The following SULF2 variants were observed in gnomAD, a reference collection of about 807,000 sequenced individuals.
SULF2 encodes the protein extracellular sulfatase Sulf-2.
Under a neutral mutation model 107.7 loss-of-function variants are expected in SULF2, and 52 were observed. That is an observed-to-expected ratio of 0.48 (90% CI 0.39 to 0.61). SULF2 has a LOEUF of 0.61. Ranked by LOEUF, SULF2 falls within the 20% of genes least tolerant of loss-of-function variation. The pLI is 0.00. For synonymous variants in SULF2, 460 were observed against 464.3 expected (o/e 0.99, Z 0.12); for missense variants, 993 against 1,177.3 (o/e 0.84, Z 2.29).
rs377521847 is a variant in SULF2 at position 47,661,592 on chromosome 20, T to TC, written c.2494+180dup. The TC allele has an allele frequency of 6.4e-4, 304 of 475,920 alleles. 3 individuals are homozygous for TC. The South Asian group carries it at 8.1e-3, about 13-fold the overall frequency. 29.5% of individuals were successfully genotyped at this position (475,920 alleles called of 1,614,324 possible). On this transcript the variant is annotated intron_variant, in intron 18 of 20. Transcript: ENST00000688720. ...GGTGCAGGTGTTCCTCTCTCAGGAA[T>TC]CACAGCTTGTTAAAGGTCATCTGCC...
chr20:47,742,649 T>C (rs866487767), intron 2 of SULF2, among the ~76,000 whole-genome samples: 24 of 152,188 alleles, frequency 1.6e-4, no homozygotes, highest in African/African-American at 4.6e-4. Context: ...ATATTTGTAT[T>C]TAACGTGATT....
At chr20:47,702,758 A>C in intron 3 of SULF2, 88 bp from the exon 4 acceptor site, 2 of 1,300,558 alleles carry the variant, frequency 1.5e-6, no homozygotes, top group Non-Finnish European at 2.1e-6. Context: ...CTGAGCATGC[A>C]CACCTGCTCT....
At chr20:47,670,344 C>T (rs1821055971) in intron 11 of SULF2, among the ~76,000 whole-genome samples, 1 of 151,948 alleles carries the variant, frequency 6.6e-6, no homozygotes, top group Non-Finnish European at 1.5e-5. Flanking sequence ...AGGCGCCCAC[C>T]ACCATGCCTG....
chr20:47,770,867 G>T (rs1568927651), intron 1 of SULF2, among the ~76,000 whole-genome samples: 1 of 152,166 alleles, frequency 6.6e-6, no homozygotes, highest in African/African-American at 2.4e-5. Flanking sequence ...TTACACAACA[G>T]CGAGGGTCCC....
intron 1 of SULF2, among the ~76,000 whole-genome samples, chr20:47,778,546 C>T (rs1413146): frequency 0.58 from 88,754 of 152,104 alleles, 26,595 homozygotes; most frequent in East Asian, 0.9. Context: ...GAAGCCCTGG[C>T]CTGGGCTGGA....
chr20:47,779,772 A>C (rs974826070), intron 1 of SULF2, among the ~76,000 whole-genome samples: 3 of 151,874 alleles, frequency 2.0e-5, no homozygotes. Flanking sequence ...GTGCCTGGCT[A>C]ATTTTTGTAT....
intron 13 of SULF2, among the ~76,000 whole-genome samples, 189 bp from the exon 14 acceptor site, chr20:47,665,482 C>T (rs542394617): frequency 7.2e-5 from 11 of 152,356 alleles, no homozygotes; most frequent in African/African-American, 2.4e-4. Context: ...GGAAGCCCGC[C>T]TTCTCCTCCA....
In SULF2 at chr20:47,678,622, T is replaced by A. The variant is rs2087725271; in HGVS notation, c.1193+54A>T. The stretch of plus-strand genomic sequence containing the variant: ...TAGACCCACAGGGTTTTGCTCTGAG[T>A]TCCCGCAGGTCAATGTCCCGGCCCC... On this transcript the variant is annotated intron_variant, in intron 8 of 20. Transcript: ENST00000688720. This position sits in a 1 kb window ranked among gnomAD's most constrained non-coding sequence, Gnocchi z 4.5. The A allele has an allele frequency of 6.2e-7, 1 of 1,603,990 alleles. No homozygotes were observed. The highest frequency in any genetic ancestry group is 1.1e-5 in the South Asian group (1 of 90,418).
intron 1 of SULF2, among the ~76,000 whole-genome samples, chr20:47,764,539 T>C (rs1484041376): frequency 6.6e-6 from 1 of 152,206 alleles, no homozygotes; most frequent in Non-Finnish European, 1.5e-5. Flanking sequence ...CGATTGGTCC[T>C]GGGGCAGACA....
intron 2 of SULF2, among the ~76,000 whole-genome samples, chr20:47,756,598 C>T (rs549495027): frequency 8.6e-5 from 13 of 151,782 alleles, no homozygotes; most frequent in Non-Finnish European, 1.8e-4. Context: ...ACAGTCTTTG[C>T]CACAACCCAC....
intron 4 of SULF2, among the ~76,000 whole-genome samples, chr20:47,700,577 T>C (rs897750017): frequency 5.3e-5 from 8 of 151,048 alleles, no homozygotes; most frequent in Admixed American, 5.3e-4. Flanking sequence ...CAACACCAAG[T>C]GCTGATAAGG....
chr20:47,673,199 GCTCCAGCCCATTGACCCAGTGA>G (rs2146450967), intron 10 of SULF2, among the ~76,000 whole-genome samples: 1 of 152,318 alleles, frequency 6.6e-6, no homozygotes, highest in East Asian at 1.9e-4. Flanking sequence ...GTCCACAGCT[GCTCCAGCCCATTGACCCAGTGA>G]CTCTTTAGGG....
chr20:47,724,438 G>A (rs115978114), intron 3 of SULF2, among the ~76,000 whole-genome samples: 2,806 of 152,338 alleles, frequency 0.018, 96 homozygotes, highest in African/African-American at 0.064. Flanking sequence ...ACTGGTTGTA[G>A]CAGGGCCAGG....
At chr20:47,733,074 T>C (rs1441885005) in intron 3 of SULF2, among the ~76,000 whole-genome samples, 5 of 152,212 alleles carry the variant, frequency 3.3e-5, no homozygotes, top group African/African-American at 9.7e-5. Flanking sequence ...CAAAATGAAA[T>C]TGCAAATATT....
Position 47,665,845 on chromosome 20 carries a change from C to T in SULF2, c.1902+12G>A, listed in dbSNP as rs2087246828. The stretch of plus-strand genomic sequence containing the variant: ...TGGCCGAGAGCATGCTCCTCTCCCG[C>T]TCTCCACTCACCTCGTGGTCGATGT... On this transcript the variant is annotated intron_variant, in intron 13 of 20. Transcript: ENST00000688720. 3.7e-6 allele frequency: 6 copies of T among 1,612,424 alleles called. No individual in the cohort carries two copies. Among genetic ancestry groups the T allele is most frequent in the Middle Eastern group, 1.6e-4 (1 of 6,080 alleles).
At chr20:47,748,821 C>T (rs2090102968) in intron 2 of SULF2, among the ~76,000 whole-genome samples, 1 of 152,114 alleles carries the variant, frequency 6.6e-6, no homozygotes, top group African/African-American at 2.4e-5. Flanking sequence ...ACCTCTTGTC[C>T]CACTGTTGCT....
chr20:47,733,633 C>T lies in SULF2; in HGVS notation c.415+3070G>A, dbSNP rs764287663. Among the ~76,000 whole-genome samples the T allele has an allele frequency of 2.0e-4, 31 of 152,100 alleles. 1 individual carries two copies. Among genetic ancestry groups the T allele is most frequent in the Admixed American group, 6.6e-5 (1 of 15,266 alleles). ...ACAAAAAATACAAAAATTAGTCAGG[C>T]GTAGTGGCAGGCGTCTGTAATCTCA... is the stretch of plus-strand genomic sequence containing the variant. On this transcript the variant is annotated intron_variant, in intron 3 of 20. Transcript: ENST00000688720.
chr20:47,743,834 C>T (rs1349511398), intron 2 of SULF2, among the ~76,000 whole-genome samples: 6 of 152,280 alleles, frequency 3.9e-5, no homozygotes, highest in South Asian at 2.1e-4. Flanking sequence ...TGTTGTTCCT[C>T]GAACACACCA....
At chr20:47,667,803 C>T (rs1419867534) in intron 11 of SULF2, among the ~76,000 whole-genome samples, 1 of 152,072 alleles carries the variant, frequency 6.6e-6, no homozygotes, top group Admixed American at 6.5e-5. Flanking sequence ...CAAAGAGGAC[C>T]AGCTGGAGGC....
Sources: allele counts gnomAD v4.1 joint callset (sites outside exome capture counted in the v4.1 genomes callset), GRCh38; gene constraint gnomAD v4.1.1; non-coding constraint Gnocchi (gnomAD v3.1); transcripts MANE v1.5; gene names NCBI Gene and HGNC (gene_info 2026-07-23, HGNC 2026-07-21).